KHDRBS2: variants seen among roughly 807,000 people sequenced by gnomAD.
KHDRBS2 encodes the protein KH domain-containing, RNA-binding, signal transduction-associated protein 2.
Under a neutral mutation model 44.3 loss-of-function variants are expected in KHDRBS2, and 26 were observed. That is an observed-to-expected ratio of 0.59 (90% CI 0.43 to 0.81). KHDRBS2 has a LOEUF of 0.81. KHDRBS2 is among the 40% of genes least tolerant of loss of function. The pLI is 0.00. For missense variants in KHDRBS2, 476 were observed against 433.1 expected, an observed-to-expected ratio of 1.10 and a Z score of -0.88; for synonymous variants, 194 against 151.1, an observed-to-expected ratio of 1.28 and a Z score of -2.08.
chr6:62,242,612 A>C (rs1430852518), intron 1 of KHDRBS2, among the ~76,000 whole-genome samples: 1 of 152,168 alleles, frequency 6.6e-6, no homozygotes, highest in Non-Finnish European at 1.5e-5. Context: ...TTGGTAATAC[A>C]GCAAACAAGA....
intron 6 of KHDRBS2, among the ~76,000 whole-genome samples, chr6:61,798,060 A>C (rs1209742942): frequency 6.6e-6 from 1 of 151,952 alleles, no homozygotes; most frequent in Non-Finnish European, 1.5e-5. Context: ...TATTGTTACC[A>C]TCTTTGTGTC....
At chr6:62,037,897 A>G (rs1785633706) in intron 3 of KHDRBS2, among the ~76,000 whole-genome samples, 1 of 152,112 alleles carries the variant, frequency 6.6e-6, no homozygotes, top group Non-Finnish European at 1.5e-5. Context: ...GCACAAAAAT[A>G]TGCAAAGAGT....
intron 6 of KHDRBS2, among the ~76,000 whole-genome samples, chr6:61,772,512 C>A (rs1200330942): frequency 6.6e-6 from 1 of 152,102 alleles, no homozygotes; most frequent in African/African-American, 2.4e-5. Context: ...ATACAAACTA[C>A]CATCAGAGAA....
chr6:61,845,645 C>T (rs1255785622), intron 6 of KHDRBS2, among the ~76,000 whole-genome samples: 1 of 152,180 alleles, frequency 6.6e-6, no homozygotes, highest in Non-Finnish European at 1.5e-5. Context: ...CCTTTGAGAT[C>T]AGAGTTGGTG....
intron 1 of KHDRBS2, among the ~76,000 whole-genome samples, chr6:62,247,527 A>T (rs995644890): frequency 6.6e-6 from 1 of 152,020 alleles, no homozygotes; most frequent in African/African-American, 2.4e-5. Flanking sequence ...TACACTAAAT[A>T]TTTCACAAAT....
At chr6:62,165,260 T>A (rs1241896325) in intron 2 of KHDRBS2, among the ~76,000 whole-genome samples, 1 of 150,590 alleles carries the variant, frequency 6.6e-6, no homozygotes, top group Non-Finnish European at 1.5e-5. Context: ...TTTATTTATT[T>A]ATTTATTTAT....
At chr6:61,971,812 T>C (rs1308589718) in intron 4 of KHDRBS2, among the ~76,000 whole-genome samples, 1 of 152,172 alleles carries the variant, frequency 6.6e-6, no homozygotes, top group African/African-American at 2.4e-5. Flanking sequence ...CTTAAACACA[T>C]TACTATCCAA....
intron 1 of KHDRBS2, among the ~76,000 whole-genome samples, chr6:62,227,089 C>A (rs1178822772): frequency 6.6e-6 from 1 of 152,080 alleles, no homozygotes; most frequent in Admixed American, 6.6e-5. Context: ...GGGAACAGCA[C>A]TGAATTTATA....
intron 4 of KHDRBS2, among the ~76,000 whole-genome samples, chr6:61,951,901 C>T (rs5026648): frequency 6.6e-6 from 1 of 151,470 alleles, no homozygotes; most frequent in Admixed American, 6.6e-5. Context: ...TCTGTAGTTA[C>T]AATTTTTTCA....
At chr6:61,963,422 T>A (rs1769205263) in intron 4 of KHDRBS2, among the ~76,000 whole-genome samples, 1 of 152,034 alleles carries the variant, frequency 6.6e-6, no homozygotes, top group Non-Finnish European at 1.5e-5. Context: ...TGAAATTAGA[T>A]AACTTCCTGA....
chr6:61,968,615 A>C (rs1192875726), intron 4 of KHDRBS2, among the ~76,000 whole-genome samples: 1 of 152,064 alleles, frequency 6.6e-6, no homozygotes, highest in Admixed American at 6.6e-5. Flanking sequence ...TGTAACCATA[A>C]ATAGGCATTA....
chr6:61,827,130 C>A (rs1327442987), intron 6 of KHDRBS2, among the ~76,000 whole-genome samples: 1 of 152,138 alleles, frequency 6.6e-6, no homozygotes, highest in Non-Finnish European at 1.5e-5. Context: ...TTAGAACAAA[C>A]AAATGTAAGT....
chr6:61,577,954 C>G, the KHDRBS2 span, among the ~76,000 whole-genome samples: 1 of 152,124 alleles, frequency 6.6e-6, no homozygotes, highest in Non-Finnish European at 1.5e-5. Flanking sequence ...TCATCAAACA[C>G]TATAAGTAAA....
At chr6:62,204,743 T>C (rs1827654691) in intron 1 of KHDRBS2, among the ~76,000 whole-genome samples, 1 of 152,166 alleles carries the variant, frequency 6.6e-6, no homozygotes, top group Non-Finnish European at 1.5e-5. Flanking sequence ...GTACAAATTA[T>C]GGGTTGGTAC....
chr6:61,974,933 A>AAAATAAATAAAT (rs139333730), intron 4 of KHDRBS2, among the ~76,000 whole-genome samples: 1 of 138,682 alleles, frequency 7.2e-6, no homozygotes, highest in Non-Finnish European at 1.6e-5. Context: ...TCCATCTTAA[A>AAAATAAATAAAT]AAATAAATAA....
intron 6 of KHDRBS2, among the ~76,000 whole-genome samples, chr6:61,860,479 T>C (rs1373239873): frequency 6.6e-6 from 1 of 152,126 alleles, no homozygotes; most frequent in Non-Finnish European, 1.5e-5. Flanking sequence ...GTATTTGTTT[T>C]TCTGTTCCTG....
At chr6:61,613,745 A>G in the KHDRBS2 span, among the ~76,000 whole-genome samples, 1 of 152,212 alleles carries the variant, frequency 6.6e-6, no homozygotes, top group Non-Finnish European at 1.5e-5. Flanking sequence ...ATTAGAGGAA[A>G]GCTGTTACTG....
chr6:61,657,604 G>T, the KHDRBS2 span, among the ~76,000 whole-genome samples: 1 of 151,906 alleles, frequency 6.6e-6, no homozygotes, highest in Non-Finnish European at 1.5e-5. Context: ...TACAAAAAAT[G>T]TTGGTTAGCA....
chr6:61,792,386 C>T (rs1230987957), intron 6 of KHDRBS2, among the ~76,000 whole-genome samples: 1 of 151,518 alleles, frequency 6.6e-6, no homozygotes, highest in Non-Finnish European at 1.5e-5. Context: ...TGTCAATCCT[C>T]TTATTTATTC....
Sources: gnomAD v4.1 joint callset for allele counts (sites outside exome capture counted in the v4.1 genomes callset) on GRCh38, gnomAD v4.1.1 for gene constraint, MANE v1.5 for transcripts, NCBI Gene and HGNC (gene_info 2026-07-23, HGNC 2026-07-21) for gene names.